Variants in BPIFB1 observed in about 807,000 individuals in gnomAD.
BPIFB1 encodes BPI fold containing family B member 1.
Under a neutral mutation model 55.1 loss-of-function variants are expected in BPIFB1, and 34 were observed. The observed-to-expected ratio is 0.62, with a 90% CI of 0.47 to 0.82. The LOEUF (loss-of-function observed/expected upper bound fraction) is 0.82. BPIFB1 is among the 40% of genes least tolerant of loss of function. The pLI is 0.00. For missense variants in BPIFB1, 532 were observed against 593.1 expected (o/e 0.90, Z 1.07); for synonymous variants, 236 against 245.3 (o/e 0.96, Z 0.35).
chr20:33,302,803 A>G, intron 10 of BPIFB1, 113 bp from the exon 11 acceptor site: 1 of 1,143,692 alleles, frequency 8.7e-7, no homozygotes, highest in Non-Finnish European at 1.3e-6. Flanking sequence ...GGTGGCTGGA[A>G]CACGTGAGGG....
intron 2 of BPIFB1, among the ~76,000 whole-genome samples, chr20:33,288,082 G>A (rs1034501961): frequency 6.6e-6 from 1 of 152,220 alleles, no homozygotes; most frequent in Non-Finnish European, 1.5e-5. Context: ...CCTGAGGGGT[G>A]AGGGAGCTGG....
Position 33,309,692 on chromosome 20 carries a change from TC to T in BPIFB1, c.1396-12del. On this transcript the variant is annotated splice_polypyrimidine_tract_variant and intron_variant, in intron 15 of 15. Coordinates refer to ENST00000253354, the MANE Select transcript of BPIFB1 (RefSeq NM_033197.3). This position sits in a 1 kb window ranked among gnomAD's most constrained non-coding sequence, Gnocchi z 4.4. ...TTAAAGAAACCTGTTTTCTGACTTTTCCCCTCCAATTCCAGGATGCCCTTGT... is the reference window on the plus strand; with the variant it reads ...TTAAAGAAACCTGTTTTCTGACTTTTCCCTCCAATTCCAGGATGCCCTTGT... 1 of 1,613,614 alleles carries T rather than the reference TC, an allele frequency of 6.2e-7. No homozygotes were observed. Among genetic ancestry groups the T allele is most frequent in the Non-Finnish European group, 8.5e-7 (1 of 1,179,538 alleles).
chr20:33,289,980 C>T lies in BPIFB1; in HGVS notation c.353C>T (p.Ala118Val), dbSNP rs779105675. 1.2e-6 allele frequency: 2 copies of T among 1,614,040 alleles called. No homozygotes were observed. The highest frequency in any genetic ancestry group is 1.7e-6 in the Non-Finnish European group (2 of 1,179,868). Residue 118 changes from alanine (A) to valine (V), a missense_variant, in exon 4 of 16, where the codon GCT becomes GTT. Physicochemically the swap from Ala to Val is moderately conservative, Grantham distance 64. Coordinates refer to ENST00000253354, the MANE Select transcript of BPIFB1 (RefSeq NM_033197.3). ...LLVKIPLDMVAGFNTPLVKTI... is the reference protein window; with the variant it reads ...LLVKIPLDMVVGFNTPLVKTI... ...GTCAAGATCCCCCTGGACATGGTGGCTGGATTCAACACGTGAGTGACCCCT... is the reference window on the plus strand; with the variant it reads ...GTCAAGATCCCCCTGGACATGGTGGTTGGATTCAACACGTGAGTGACCCCT...
chr20:33,290,049 C>T (rs1980411209), intron 4 of BPIFB1, 57 bp downstream of exon 4: 2 of 1,320,550 alleles, frequency 1.5e-6, no homozygotes, highest in African/African-American at 1.4e-5. Context: ...GCTCGTTCCC[C>T]CTCCCCCGCC....
intron 6 of BPIFB1, among the ~76,000 whole-genome samples, chr20:33,295,682 G>C: frequency 7.8e-6 from 1 of 128,878 alleles, no homozygotes; most frequent in Non-Finnish European, 1.5e-5. Flanking sequence ...GAAAGAAAGA[G>C]AGAAAAAAAG....
chr20:33,284,646 C>T (rs927682934), intron 1 of BPIFB1, among the ~76,000 whole-genome samples: 50 of 152,262 alleles, frequency 3.3e-4, no homozygotes, highest in Admixed American at 3.1e-3. Context: ...CTGAACCAAG[C>T]GAGGGGCTCA....
In BPIFB1 at chr20:33,309,655, C is replaced by G; in HGVS notation, c.1396-53C>G. 1 of 1,574,380 alleles carries G rather than the reference C, an allele frequency of 6.4e-7. No homozygotes were observed. The highest frequency in any genetic ancestry group is 1.1e-5 in the South Asian group (1 of 90,202). ...TGGAGGACAAAACCAGCATAAACCA[C>G]AAGGCAAAAGGTTAAAGAAACCTGT... On this transcript the variant is annotated intron_variant, in intron 15 of 15. Transcript: ENST00000253354. The surrounding 1 kb of genome is among the most constrained non-coding windows in gnomAD (Gnocchi z 4.4).
intron 6 of BPIFB1, among the ~76,000 whole-genome samples, chr20:33,295,911 G>C (rs1244335911): frequency 1.4e-5 from 2 of 141,442 alleles, no homozygotes; most frequent in Non-Finnish European, 3.1e-5. Context: ...AGGAAGGAAG[G>C]GGAAGGGAAA....
Position 33,306,006 on chromosome 20 carries a change from ATGT to A in BPIFB1, c.1261_1263del (p.Val421del). On this transcript the variant is annotated inframe_deletion, in exon 14 of 16. Coordinates refer to ENST00000253354, the MANE Select transcript of BPIFB1 (RefSeq NM_033197.3). ...TGCCCCTTCTCTCTCTCACAGCCTG[ATGT>A]TCTGAAAAACATCATCACTGAGATC... The A allele has an allele frequency of 6.2e-7, 1 of 1,614,104 alleles. No homozygotes were observed. Among genetic ancestry groups the A allele is most frequent in the Non-Finnish European group, 8.5e-7 (1 of 1,179,998 alleles).
chr20:33,286,227 A>AG, intron 2 of BPIFB1, 39 bp downstream of exon 2: 1 of 1,577,686 alleles, frequency 6.3e-7, no homozygotes, highest in Non-Finnish European at 8.7e-7. Flanking sequence ...CCATAAGACA[A>AG]GGGGGTAGGT....
At position 33,309,564 on chromosome 20, in the gene BPIFB1, A is replaced by G; in HGVS notation, c.1396-144A>G. On this transcript the variant is annotated intron_variant, in intron 15 of 15. Coordinates refer to ENST00000253354, the MANE Select transcript of BPIFB1 (RefSeq NM_033197.3). This position sits in a 1 kb window ranked among gnomAD's most constrained non-coding sequence, Gnocchi z 4.4. ...GTTCACACACAGACCCTCCACCCCG[A>G]CCCTTCTAAGAATTCTGTATTTGTG... 1 of 717,422 alleles carries G rather than the reference A, an allele frequency of 1.4e-6. No individual in the cohort carries two copies. Among genetic ancestry groups the G allele is most frequent in the Non-Finnish European group, 2.4e-6 (1 of 417,100 alleles). 44.4% of individuals were successfully genotyped at this position (717,422 alleles called of 1,614,324 possible).
chr20:33,288,827 G>T lies in BPIFB1; in HGVS notation c.202G>T (p.Gly68Ter). Residue 68 changes from glycine to a stop codon, truncating the protein, a stop_gained, in exon 3 of 16, where the codon GGA (glycine) becomes TGA (stop). Transcript: ENST00000253354. LOFTEE classifies it high-confidence loss of function. Reference sequence around the variant, plus strand: ...CAGTGCCATGCGGGAAAAGCCAGCCGGAGGCATCCCTGTGCTGGGCAGCCT... The same window carrying T: ...CAGTGCCATGCGGGAAAAGCCAGCCTGAGGCATCCCTGTGCTGGGCAGCCT... ...LLSAMREKPA[G>*]GIPVLGSLVN... is the part of the protein sequence containing the mutation. 1 of 1,613,978 alleles carries T rather than the reference G, an allele frequency of 6.2e-7. No individual in the cohort carries two copies. The highest frequency in any genetic ancestry group is 8.5e-7 in the Non-Finnish European group (1 of 1,180,022).
chr20:33,304,924 G>GC, intron 13 of BPIFB1, 33 bp downstream of exon 13: 1 of 1,609,838 alleles, frequency 6.2e-7, no homozygotes, highest in Non-Finnish European at 8.5e-7. Context: ...TGAGGGCACA[G>GC]GGGGTGGCCT....
chr20:33,294,255 C>T (rs1315074024), intron 6 of BPIFB1, among the ~76,000 whole-genome samples: 1 of 152,170 alleles, frequency 6.6e-6, no homozygotes, highest in Non-Finnish European at 1.5e-5. Context: ...CAGCCCAATT[C>T]AAGCTACCTT....
At chr20:33,284,871 T>TTCTCTC (rs200193317) in intron 1 of BPIFB1, among the ~76,000 whole-genome samples, 2,595 of 151,962 alleles carry the variant, frequency 0.017, 38 homozygotes, top group South Asian at 0.051. Flanking sequence ...ACAGGGCCCT[T>TTCTCTC]TCTCTCTCTC....
chr20:33,284,058 G>T (rs981101556), intron 1 of BPIFB1, among the ~76,000 whole-genome samples: 4 of 152,160 alleles, frequency 2.6e-5, no homozygotes, highest in Non-Finnish European at 4.4e-5. Context: ...TCCAATATTA[G>T]TAATAATACC....
intron 8 of BPIFB1, among the ~76,000 whole-genome samples, chr20:33,300,889 C>G (rs1246247340): frequency 6.6e-6 from 1 of 152,192 alleles, no homozygotes; most frequent in Non-Finnish European, 1.5e-5. Context: ...CGCCTGGCCC[C>G]TGGACTAGTT....
intron 1 of BPIFB1, among the ~76,000 whole-genome samples, chr20:33,285,676 C>T (rs1980242980): frequency 1.3e-5 from 2 of 150,524 alleles, no homozygotes; most frequent in South Asian, 4.2e-4. Context: ...CGAGATGGCA[C>T]CACTGCACTC....
chr20:33,302,636 T>G, intron 10 of BPIFB1: 1 of 642,030 alleles, frequency 1.6e-6, no homozygotes, highest in Admixed American at 2.5e-5. Context: ...CAGGACAGGT[T>G]CTAGGGGCCA....
Sources: gnomAD v4.1 joint callset for allele counts (sites outside exome capture counted in the v4.1 genomes callset) on GRCh38, gnomAD v4.1.1 for gene constraint, Gnocchi (gnomAD v3.1) non-coding constraint, MANE v1.5 for transcripts, NCBI Gene and HGNC (gene_info 2026-07-23, HGNC 2026-07-21) for gene names.